Variants in MDM1 observed in about 807,000 individuals in gnomAD.
The protein encoded by MDM1 is Mdm1 nuclear protein.
Under a neutral mutation model 89.1 loss-of-function variants are expected in MDM1, and 61 were observed. That is an observed-to-expected ratio of 0.68 (90% CI 0.56 to 0.85). The LOEUF is 0.85. MDM1 is among the 40% of genes least tolerant of loss of function. The pLI is 0.00. For missense variants in MDM1, 820 were observed against 846.5 expected (o/e 0.97, Z 0.39); for synonymous variants, 290 against 294.1 (o/e 0.99, Z 0.14).
chr12:68,322,859 A>T (rs1440406743), intron 5 of MDM1, among the ~76,000 whole-genome samples: 1 of 152,158 alleles, frequency 6.6e-6, no homozygotes, highest in Non-Finnish European at 1.5e-5. Flanking sequence ...TCTCCCCACT[A>T]GCCCAAGAGC....
intron 1 of MDM1, 106 bp from the exon 2 acceptor site, chr12:68,331,327 CTG>C: frequency 1.3e-6 from 1 of 743,466 alleles, no homozygotes; most frequent in East Asian, 2.4e-5. Context: ...AGACTTAAGA[CTG>C]AAAATTAAAC....
At chr12:68,304,608 T>C (rs377130133) in intron 12 of MDM1, among the ~76,000 whole-genome samples, 18 of 152,270 alleles carry the variant, frequency 1.2e-4, no homozygotes, top group Middle Eastern at 3.4e-3. Context: ...TTTTTCTATA[T>C]ATATGAACAA....
chr12:68,329,213 G>A (rs2121188079), intron 2 of MDM1, among the ~76,000 whole-genome samples: 1 of 152,296 alleles, frequency 6.6e-6, no homozygotes, highest in Admixed American at 6.5e-5. Flanking sequence ...GATTTTCCTA[G>A]CACCCTGCCG....
chr12:68,330,298 TA>T (rs756345384), intron 2 of MDM1, among the ~76,000 whole-genome samples: 2 of 140,370 alleles, frequency 1.4e-5, no homozygotes, highest in East Asian at 3.9e-4. Context: ...TCTCGGCCAA[TA>T]ACGAGATGCA....
chr12:68,299,973 A>G (rs1049672080), intron 13 of MDM1, among the ~76,000 whole-genome samples: 3 of 152,206 alleles, frequency 2.0e-5, no homozygotes, highest in African/African-American at 7.2e-5. Flanking sequence ...AAACAACTAG[A>G]CTAACAACAG....
chr12:68,314,776 C>G (rs1874228305), intron 10 of MDM1, among the ~76,000 whole-genome samples, 172 bp downstream of exon 10: 1 of 152,150 alleles, frequency 6.6e-6, no homozygotes, highest in Admixed American at 6.5e-5. Flanking sequence ...ACTTAAATAC[C>G]TGAGTGAATC....
chr12:68,300,418 C>T (rs961095622), intron 13 of MDM1, among the ~76,000 whole-genome samples: 2 of 151,928 alleles, frequency 1.3e-5, no homozygotes, highest in Non-Finnish European at 2.9e-5. Flanking sequence ...AACCACAAAC[C>T]AAATATCTAA....
At chr12:68,329,078 C>T (rs1345018884) in intron 2 of MDM1, among the ~76,000 whole-genome samples, 5 of 152,200 alleles carry the variant, frequency 3.3e-5, no homozygotes, top group African/African-American at 1.2e-4. Context: ...CATAATAGCC[C>T]TGTAGGCGCT....
chr12:68,328,100 T>C (rs1443391053), intron 2 of MDM1, among the ~76,000 whole-genome samples: 4 of 152,162 alleles, frequency 2.6e-5, no homozygotes, highest in South Asian at 2.1e-4. Context: ...CTTACTCCAG[T>C]GCGTCCGCCC....
intron 12 of MDM1, among the ~76,000 whole-genome samples, chr12:68,306,039 C>T (rs190707717): frequency 2.0e-5 from 3 of 150,062 alleles, no homozygotes; most frequent in African/African-American, 7.3e-5. Context: ...ACAGCAACCA[C>T]AACATCATGG....
At position 68,302,831 on chromosome 12, in the gene MDM1, A is replaced by G. The variant is rs1339433778; in HGVS notation, c.1791T>C (p.Ala597=). ...GCAGAGGATCAACTGTTTTTATACCAGCAGCTGGAGAAGTCAGTAGGGATA... is the reference window on the plus strand; with the variant it reads ...GCAGAGGATCAACTGTTTTTATACCGGCAGCTGGAGAAGTCAGTAGGGATA... ...RAVSLLTSPA[A]GIKTVDPLPL... Residue 597 remains alanine, a synonymous_variant, in exon 13 of 15, where the codon GCT becomes GCC. Transcript: ENST00000682720. The G allele has an allele frequency of 1.2e-6, 2 of 1,608,886 alleles. No individual in the cohort carries two copies.
intron 12 of MDM1, among the ~76,000 whole-genome samples, chr12:68,305,091 T>C (rs1281503707): frequency 2.6e-5 from 4 of 152,218 alleles, no homozygotes; most frequent in African/African-American, 7.2e-5. Context: ...TTTCGTAGAA[T>C]GTGTTAAGGA....
At chr12:68,316,000 A>T in intron 9 of MDM1, 78 bp downstream of exon 9, 1 of 1,181,340 alleles carries the variant, frequency 8.5e-7, no homozygotes, top group African/African-American at 1.5e-5. Flanking sequence ...TTGAGTAGTC[A>T]GGTCATTTTC....
chr12:68,304,716 T>C lies in MDM1; in HGVS notation c.1750-1844A>G, dbSNP rs190037411. ...ATGGGGTTCCCAGGTTTAACGTAAC[T>C]GATTCTGCGATCTGTTTTTGAGCCT... is the stretch of plus-strand genomic sequence containing the variant. On this transcript the variant is annotated intron_variant, in intron 12 of 14. Transcript: ENST00000682720. 1.2e-4 allele frequency among the ~76,000 whole-genome samples: 18 copies of C among 152,334 alleles called. No individual in the cohort carries two copies. The East Asian group carries it at 3.5e-3, about 29-fold the overall frequency.
At chr12:68,326,447 A>C (rs1222616536) in intron 3 of MDM1, 1 of 1,469,022 alleles carries the variant, frequency 6.8e-7, no homozygotes, top group Non-Finnish European at 9.0e-7. Context: ...AGATTATCAT[A>C]GTACAACTAC....
chr12:68,315,591 G>C (rs1035691196), intron 9 of MDM1, among the ~76,000 whole-genome samples: 1 of 152,100 alleles, frequency 6.6e-6, no homozygotes, highest in African/African-American at 2.4e-5. Flanking sequence ...AGGACCCCAT[G>C]GTCTAAGTTC....
At chr12:68,306,570 C>T (rs2120855974) in intron 12 of MDM1, among the ~76,000 whole-genome samples, 1 of 152,130 alleles carries the variant, frequency 6.6e-6, no homozygotes, top group East Asian at 1.9e-4. Context: ...AAAAAGGGGG[C>T]AAAGGACATG....
chr12:68,328,432 T>C (rs1477848730), intron 2 of MDM1, among the ~76,000 whole-genome samples: 2 of 152,236 alleles, frequency 1.3e-5, no homozygotes. Flanking sequence ...TTGCCAATTG[T>C]ATGATAAACA....
At chr12:68,311,840 C>T (rs1312952719) in intron 12 of MDM1, among the ~76,000 whole-genome samples, 1 of 152,204 alleles carries the variant, frequency 6.6e-6, no homozygotes, top group Non-Finnish European at 1.5e-5. Flanking sequence ...CTTGAATTCA[C>T]TTGCACTTAG....
Sources: allele counts gnomAD v4.1 joint callset (sites outside exome capture counted in the v4.1 genomes callset), GRCh38; gene constraint gnomAD v4.1.1; transcripts MANE v1.5; gene names NCBI Gene and HGNC (gene_info 2026-07-23, HGNC 2026-07-21).